NUP133: variants seen among roughly 807,000 people sequenced by gnomAD.
NUP133 encodes nucleoporin 133, also known as nuclear pore complex protein Nup133.
NUP133 carries 66 observed loss-of-function variants against 146.2 expected under a neutral mutation model. The observed-to-expected ratio is 0.45, with a 90% CI of 0.37 to 0.55. The LOEUF (loss-of-function observed/expected upper bound fraction) is 0.55. Ranked by LOEUF, NUP133 falls within the 20% of genes least tolerant of loss-of-function variation. The probability of loss-of-function intolerance (pLI) is 0.00; values close to 1 mark genes in which losing one functional copy is unlikely to be tolerated. For missense variants in NUP133, 1,277 were observed against 1,374.8 expected (o/e 0.93, Z 1.12); for synonymous variants, 521 against 498.8 (o/e 1.04, Z -0.59).
At chr1:229,481,598 C>T (rs1438459003) in intron 12 of NUP133, among the ~76,000 whole-genome samples, 1 of 151,034 alleles carries the variant, frequency 6.6e-6, no homozygotes, top group African/African-American at 2.4e-5. Context: ...GCTTGGGAGG[C>T]TGAGGCAGAA....
Position 229,445,444 on chromosome 1 carries a change from G to A in NUP133, c.3246-442C>T, listed in dbSNP as rs116009388. On this transcript the variant is annotated intron_variant, in intron 24 of 25. Coordinates refer to ENST00000261396, the MANE Select transcript of NUP133 (RefSeq NM_018230.3). Reference sequence around the variant, plus strand: ...TGTTCCTCCCACCTCAGCCTCCCGAGTAGCTAGGACCATAGGCATGCAACC... The same window carrying A: ...TGTTCCTCCCACCTCAGCCTCCCGAATAGCTAGGACCATAGGCATGCAACC... Among the ~76,000 whole-genome samples the A allele has an allele frequency of 9.1e-3, 1,380 of 152,236 alleles. 20 individuals are homozygous for A. Among genetic ancestry groups the A allele is most frequent in the African/African-American group, 0.031 (1,304 of 41,536 alleles).
intron 8 of NUP133, 50 bp from the exon 9 acceptor site, chr1:229,490,152 G>A (rs1661470832): frequency 7.0e-7 from 1 of 1,424,084 alleles, no homozygotes; most frequent in African/African-American, 1.4e-5. Context: ...AACAACTTAG[G>A]AGTTTCCTAT....
intron 15 of NUP133, among the ~76,000 whole-genome samples, chr1:229,468,418 C>G (rs1455587216): frequency 1.3e-5 from 2 of 152,094 alleles, no homozygotes; most frequent in African/African-American, 4.8e-5. Context: ...TAACTACACC[C>G]CAGAGAAGCT....
At chr1:229,450,166 G>A (rs916355426) in intron 23 of NUP133, among the ~76,000 whole-genome samples, 34 of 151,890 alleles carry the variant, frequency 2.2e-4, no homozygotes, top group African/African-American at 8.0e-4. Context: ...AAAGTGCTGG[G>A]ATTACAGGCG....
intron 17 of NUP133, among the ~76,000 whole-genome samples, chr1:229,465,164 A>G (rs1571915584): frequency 6.6e-6 from 1 of 152,242 alleles, no homozygotes; most frequent in Non-Finnish European, 1.5e-5. Flanking sequence ...CTCCGGGGCC[A>G]GGACTGCTTC....
chr1:229,473,928 C>T (rs1192726143), intron 14 of NUP133, among the ~76,000 whole-genome samples: 2 of 151,988 alleles, frequency 1.3e-5, no homozygotes, highest in African/African-American at 4.8e-5. Flanking sequence ...CTGTCACACA[C>T]ATACAAAAAA....
chr1:229,480,951 TC>T (rs1661196769), intron 12 of NUP133, among the ~76,000 whole-genome samples: 3 of 151,202 alleles, frequency 2.0e-5, no homozygotes, highest in Admixed American at 2.0e-4. Context: ...TGCCTTGGCC[TC>T]CAAAGTACTG....
chr1:229,493,324 ACAC>A (rs1661569159), intron 8 of NUP133, among the ~76,000 whole-genome samples: 1 of 152,166 alleles, frequency 6.6e-6, no homozygotes, highest in Non-Finnish European at 1.5e-5. Flanking sequence ...ACTATGGTAC[ACAC>A]CATCACGCCC....
At chr1:229,470,346 T>TG (rs1185206920) in intron 15 of NUP133, among the ~76,000 whole-genome samples, 2 of 151,692 alleles carry the variant, frequency 1.3e-5, no homozygotes, top group Non-Finnish European at 2.9e-5. Context: ...AGACAGTTAT[T>TG]GGGGGAAAAA....
At chr1:229,446,340 C>T (rs995877411) in intron 24 of NUP133, among the ~76,000 whole-genome samples, 2 of 151,626 alleles carry the variant, frequency 1.3e-5, no homozygotes, top group Non-Finnish European at 2.9e-5. Context: ...ACTTGGGAGG[C>T]GGAGGTTGCG....
chr1:229,479,071 CAGAG>C (rs150349081), intron 12 of NUP133, among the ~76,000 whole-genome samples: 6 of 150,424 alleles, frequency 4.0e-5, no homozygotes, highest in African/African-American at 9.7e-5. Context: ...ATGACAGAGA[CAGAG>C]AGAGAGAGAG....
At chr1:229,507,344 A>G (rs1379343059) in intron 1 of NUP133, among the ~76,000 whole-genome samples, 1 of 152,234 alleles carries the variant, frequency 6.6e-6, no homozygotes, top group African/African-American at 2.4e-5. Context: ...TCCTGCAGGG[A>G]AAAATTCATT....
intron 13 of NUP133, among the ~76,000 whole-genome samples, chr1:229,476,418 G>A (rs1661076110): frequency 6.6e-6 from 1 of 152,314 alleles, no homozygotes; most frequent in Non-Finnish European, 1.5e-5. Flanking sequence ...AGAGAAACAT[G>A]TTTGAGACAG....
At chr1:229,474,279 T>C (rs1339383310) in intron 14 of NUP133, among the ~76,000 whole-genome samples, 3 of 152,190 alleles carry the variant, frequency 2.0e-5, no homozygotes, top group Admixed American at 6.5e-5. Context: ...ACCCACAGAA[T>C]TGTTTTAAGC....
At chr1:229,477,925 C>G (rs1282715242) in intron 12 of NUP133, among the ~76,000 whole-genome samples, 165 bp from the exon 13 acceptor site, 1 of 152,062 alleles carries the variant, frequency 6.6e-6, no homozygotes, top group Non-Finnish European at 1.5e-5. Context: ...TGAAATAAGT[C>G]AGGCACGAAA....
intron 22 of NUP133, among the ~76,000 whole-genome samples, chr1:229,452,019 T>C (rs1044196834): frequency 6.6e-6 from 1 of 152,214 alleles, no homozygotes; most frequent in African/African-American, 2.4e-5. Flanking sequence ...TTCATATAGA[T>C]AGAACACATT....
chr1:229,494,764 A>C (rs926729250), intron 8 of NUP133, among the ~76,000 whole-genome samples: 13 of 152,212 alleles, frequency 8.5e-5, no homozygotes, highest in African/African-American at 2.9e-4. Flanking sequence ...TCCTTAACTC[A>C]GCATAGCCAC....
At chr1:229,442,144 C>A (rs11809977) in intron 25 of NUP133, 104 bp from the exon 26 acceptor site, 7 of 1,109,232 alleles carry the variant, frequency 6.3e-6, no homozygotes, top group Non-Finnish European at 9.0e-6. Context: ...TTAAATATAA[C>A]GTCACTTTGC....
intron 24 of NUP133, among the ~76,000 whole-genome samples, chr1:229,446,539 C>A (rs1337516297): frequency 6.6e-6 from 1 of 151,938 alleles, no homozygotes; most frequent in Non-Finnish European, 1.5e-5. Context: ...AACATCCTGG[C>A]TAACAAAGTG....
Sources: allele counts gnomAD v4.1 joint callset (sites outside exome capture counted in the v4.1 genomes callset), GRCh38; gene constraint gnomAD v4.1.1; transcripts MANE v1.5; gene names NCBI Gene and HGNC (gene_info 2026-07-23, HGNC 2026-07-21).